The following FNIP2 variants were observed in gnomAD, a reference collection of about 807,000 sequenced individuals.
FNIP2 encodes folliculin-interacting protein 2.
A neutral mutation model predicts 108.7 loss-of-function variants in FNIP2; 32 were observed. The observed-to-expected ratio is 0.29, with a 90% confidence interval of 0.22 to 0.40. FNIP2 has a LOEUF of 0.40. FNIP2 is among the 10% of genes least tolerant of loss of function. The probability of loss-of-function intolerance (pLI) is 1.00; values close to 1 mark genes in which losing one functional copy is unlikely to be tolerated. For synonymous variants in FNIP2, 480 were observed against 496.7 expected, an observed-to-expected ratio of 0.97 and a Z score of 0.45; for missense variants, 1,202 against 1,381.6, an observed-to-expected ratio of 0.87 and a Z score of 2.06.
At chr4:158,840,008 G>A (rs750340941) in intron 7 of FNIP2, among the ~76,000 whole-genome samples, 1 of 152,132 alleles carries the variant, frequency 6.6e-6, no homozygotes, top group Non-Finnish European at 1.5e-5. Flanking sequence ...CTTTTTAAGG[G>A]GTTATTCTAG....
intron 1 of FNIP2, among the ~76,000 whole-genome samples, chr4:158,801,122 A>T (rs1220769721): frequency 6.6e-6 from 1 of 152,150 alleles, no homozygotes; most frequent in Non-Finnish European, 1.5e-5. Context: ...TTAAAAAAAA[A>T]ATCACTCTGC....
At chr4:158,787,405 A>C (rs1776259172) in intron 1 of FNIP2, among the ~76,000 whole-genome samples, 1 of 152,200 alleles carries the variant, frequency 6.6e-6, no homozygotes, top group Non-Finnish European at 1.5e-5. Context: ...TCAAAGTATA[A>C]ATGATAAAAG....
chr4:158,843,759 G>A (rs1451449159), intron 7 of FNIP2, among the ~76,000 whole-genome samples: 1 of 152,132 alleles, frequency 6.6e-6, no homozygotes, highest in Non-Finnish European at 1.5e-5. Context: ...GGAAATAAGG[G>A]GTCTGATCCC....
intron 14 of FNIP2, among the ~76,000 whole-genome samples, chr4:158,888,379 G>A (rs140942097): frequency 2.6e-5 from 4 of 152,282 alleles, no homozygotes; most frequent in East Asian, 3.9e-4. Context: ...GATGCTCATC[G>A]ACTCTTGTCA....
Position 158,891,580 on chromosome 4 carries a change from T to C in FNIP2, c.3084T>C (p.Ser1028=). The C allele has an allele frequency of 6.2e-7, 1 of 1,612,808 alleles. No homozygotes were observed. Among genetic ancestry groups the C allele is most frequent in the Non-Finnish European group, 8.5e-7 (1 of 1,179,410 alleles). Residue 1028 remains serine, a synonymous_variant, in exon 15 of 17, where the codon TCT becomes TCC. Transcript: ENST00000264433. The part of the protein sequence containing the change: ...NMKLGQDVLV[S]SQVSSLLQSI... ...AACTAGGCCAGGATGTCCTGGTCTC[T>C]AGTCAGGTGTCCAGTTTGCTTCAGT...
intron 14 of FNIP2, chr4:158,871,654 C>T: frequency 1.0e-6 from 1 of 985,380 alleles, no homozygotes; most frequent in Non-Finnish European, 1.2e-6. Context: ...GCCAAACGTT[C>T]CTAACCCCAC....
chr4:158,801,210 G>A (rs115752032), intron 1 of FNIP2, among the ~76,000 whole-genome samples: 296 of 152,186 alleles, frequency 1.9e-3, no homozygotes, highest in African/African-American at 6.7e-3. Flanking sequence ...GGTAGGGGCC[G>A]GTGTGCTTGG....
chr4:158,838,712 A>C (rs537540447), intron 7 of FNIP2, among the ~76,000 whole-genome samples: 1 of 152,226 alleles, frequency 6.6e-6, no homozygotes, highest in Non-Finnish European at 1.5e-5. Context: ...GTTACAATTA[A>C]TGAACCAATG....
chr4:158,893,574 A>T (rs973933845), intron 15 of FNIP2: 11 of 748,140 alleles, frequency 1.5e-5, no homozygotes, highest in Non-Finnish European at 2.4e-5. Context: ...GCTGAAGCGT[A>T]CTCTTGCAAG....
chr4:158,879,087 T>C (rs372365310), intron 14 of FNIP2, among the ~76,000 whole-genome samples: 5 of 150,214 alleles, frequency 3.3e-5, no homozygotes, highest in East Asian at 2.0e-4. Context: ...CTTTATAGCA[T>C]ATGCAGAAAG....
At position 158,881,392 on chromosome 4, in the gene FNIP2, TCTCTCTC is replaced by T. The variant is rs1476009260; in HGVS notation, c.2950-10053_2950-10047del. On this transcript the variant is annotated intron_variant, in intron 14 of 16. Transcript: ENST00000264433. ...TCTTTCCACGGTCTCCCTCTCCCTC[TCTCTCTC>T]TTTCCACGGTCTCCCTCTCCCTCTC... is the stretch of plus-strand genomic sequence containing the variant. 2.6e-4 allele frequency among the ~76,000 whole-genome samples: 35 copies of T among 133,086 alleles called. 1 individual carries two copies. The highest frequency in any genetic ancestry group is 9.3e-4 in the African/African-American group (32 of 34,262). 87.3% of individuals were successfully genotyped at this position (133,086 alleles called of 152,430 possible). A position where few individuals can be genotyped will look rare whatever the true frequency, so the allele number is the denominator to read the frequency against.
chr4:158,859,634 C>A lies in FNIP2; in HGVS notation c.1116C>A (p.Val372=). The A allele has an allele frequency of 6.2e-7, 1 of 1,613,416 alleles. No homozygotes were observed. Among genetic ancestry groups the A allele is most frequent in the South Asian group, 1.1e-5 (1 of 90,890 alleles). The stretch of plus-strand genomic sequence containing the variant: ...CAAGTCTCCGAGTCCAGTTTTATGT[C>A]AGCCGTTTGATGGAAGCTCTGGGAG... ...AESSLRVQFY[V]SRLMEALGEF... is the part of the protein sequence containing the mutation. The change falls in exon 10 of 17, where the codon GTC becomes GTA. Residue 372 remains valine (V), a synonymous_variant. Coordinates refer to ENST00000264433, the MANE Select transcript of FNIP2 (RefSeq NM_020840.3).
chr4:158,877,991 G>T (rs759904133), intron 14 of FNIP2, among the ~76,000 whole-genome samples: 10 of 151,158 alleles, frequency 6.6e-5, no homozygotes, highest in Non-Finnish European at 1.2e-4. Context: ...ATCTGAGGTA[G>T]GAGGATTCCA....
chr4:158,769,836 T>G (rs1454796527), intron 1 of FNIP2, among the ~76,000 whole-genome samples: 1 of 152,212 alleles, frequency 6.6e-6, no homozygotes, highest in Non-Finnish European at 1.5e-5. Flanking sequence ...GTATGTAATT[T>G]CCACATCATG....
chr4:158,893,843 ATTG>A (rs1207439031), intron 15 of FNIP2: 1 of 621,778 alleles, frequency 1.6e-6, no homozygotes, highest in Non-Finnish European at 2.8e-6. Context: ...AAAGCAATAA[ATTG>A]TTATAGTTAA....
chr4:158,873,055 G>A (rs1781049516), intron 14 of FNIP2, among the ~76,000 whole-genome samples: 1 of 151,718 alleles, frequency 6.6e-6, no homozygotes, highest in Admixed American at 6.6e-5. Flanking sequence ...AGCACTTTGA[G>A]AGGCCAAGGT....
chr4:158,817,723 C>T (rs368791663), intron 1 of FNIP2, among the ~76,000 whole-genome samples: 1 of 152,216 alleles, frequency 6.6e-6, no homozygotes, highest in African/African-American at 2.4e-5. Context: ...AATTTTTATA[C>T]TTTTAGTAGA....
At chr4:158,901,122 G>A (rs958466395) in intron 16 of FNIP2, among the ~76,000 whole-genome samples, 1 of 142,708 alleles carries the variant, frequency 7.0e-6, no homozygotes, top group Non-Finnish European at 1.5e-5. Context: ...GAAATTCTGG[G>A]TTGAAATTTT....
intron 7 of FNIP2, 162 bp downstream of exon 7, chr4:158,835,638 A>T (rs1398638645): frequency 2.0e-6 from 1 of 508,024 alleles, no homozygotes; most frequent in East Asian, 3.3e-5. Flanking sequence ...TTTAATGTAC[A>T]GTATCCATGA....
Sources: gnomAD v4.1 joint callset for allele counts (sites outside exome capture counted in the v4.1 genomes callset) on GRCh38, gnomAD v4.1.1 for gene constraint, MANE v1.5 for transcripts, NCBI Gene and HGNC (gene_info 2026-07-23, HGNC 2026-07-21) for gene names.